Variants in SOCS5 observed in about 807,000 individuals in gnomAD.
SOCS5 encodes the protein CIS-6.
In SOCS5, 32 loss-of-function variants were observed where a neutral mutation model predicts 42.8. The ratio of observed to expected loss-of-function variants is 0.75; its 90% confidence interval spans 0.56 to 1.01. The LOEUF (loss-of-function observed/expected upper bound fraction) is 1.01, where lower values mean the gene tolerates loss of function less well. Among genes scored for constraint, SOCS5 ranks in the 50% least tolerant of loss-of-function variants. SOCS5 has a pLI of 0.00. For missense variants in SOCS5, 627 were observed against 653.0 expected (o/e 0.96, Z 0.43); for synonymous variants, 283 against 229.6 (o/e 1.23, Z -2.10).
At position 46,762,906 on chromosome 2, in the gene SOCS5, C is replaced by T. The variant is rs1673901090; in HGVS notation, c.*2765C>T. 1 of 166,926 alleles carries T rather than the reference C, an allele frequency of 6.0e-6. No homozygotes were observed. Among genetic ancestry groups the T allele is most frequent in the African/African-American group, 2.4e-5 (1 of 41,422 alleles). The allele number at this position is 166,926 out of a possible 1,614,324, so 10.3% of individuals were successfully genotyped here. On this transcript the variant is annotated 3_prime_UTR_variant, in exon 2 of 2. Coordinates refer to ENST00000394861, the MANE Select transcript of SOCS5 (RefSeq NM_144949.3). ...CACACACACCTCTCCCTTCCGCATACATATAAGTGTGTATTATATATTTAT... is the reference window on the plus strand; with the variant it reads ...CACACACACCTCTCCCTTCCGCATATATATAAGTGTGTATTATATATTTAT...
intron 1 of SOCS5, among the ~76,000 whole-genome samples, chr2:46,712,471 G>T (rs772882193): frequency 4.7e-5 from 7 of 150,282 alleles, no homozygotes; most frequent in Non-Finnish European, 1.0e-4. Flanking sequence ...AGCCTCCCAA[G>T]TAGCTGGGAC....
At chr2:46,727,281 G>A (rs956702110) in intron 1 of SOCS5, among the ~76,000 whole-genome samples, 48 of 151,654 alleles carry the variant, frequency 3.2e-4, no homozygotes, top group Middle Eastern at 3.4e-3. Flanking sequence ...CCCGAGTAGC[G>A]GAGCATTTTT....
At chr2:46,741,611 T>A (rs72802454) in intron 1 of SOCS5, among the ~76,000 whole-genome samples, 65 of 152,292 alleles carry the variant, frequency 4.3e-4, no homozygotes, top group African/African-American at 1.4e-3. Flanking sequence ...CTATATTTTT[T>A]AAAAAATGTT....
intron 1 of SOCS5, among the ~76,000 whole-genome samples, chr2:46,730,107 C>T (rs911259362): frequency 2.6e-5 from 4 of 152,064 alleles, no homozygotes; most frequent in African/African-American, 4.8e-5. Context: ...TCATATATGC[C>T]GTCTCTCATT....
chr2:46,701,268 CT>C (rs1469022011), intron 1 of SOCS5, among the ~76,000 whole-genome samples: 1 of 152,116 alleles, frequency 6.6e-6, no homozygotes, highest in Non-Finnish European at 1.5e-5. Context: ...CTGTTTTCTC[CT>C]TTTGTAGAAC....
In SOCS5 at chr2:46,729,459, G is replaced by A. The variant is rs79218026; in HGVS notation, c.-12-29060G>A. 1.1e-3 allele frequency among the ~76,000 whole-genome samples: 161 copies of A among 152,298 alleles called. 1 individual carries two copies. The highest frequency in any genetic ancestry group is 1.7e-3 in the Non-Finnish European group (118 of 68,018). On this transcript the variant is annotated intron_variant, in intron 1 of 1. Transcript: ENST00000394861. ...GTATAGCGTACTATACACCTAGGCC[G>A]TATAGCGTAGCCTGTTGCTCGTAGG...
intron 1 of SOCS5, among the ~76,000 whole-genome samples, chr2:46,756,367 A>T (rs1326630794): frequency 6.6e-6 from 1 of 152,148 alleles, no homozygotes; most frequent in Non-Finnish European, 1.5e-5. Flanking sequence ...TAGATAGAAA[A>T]TATTTTAGGC....
chr2:46,759,753 C>G lies in SOCS5; in HGVS notation c.1223C>G (p.Ser408Cys). 6.2e-7 allele frequency: 1 copy of G among 1,614,180 alleles called. No homozygotes were observed. The highest frequency in any genetic ancestry group is 8.5e-7 in the Non-Finnish European group (1 of 1,180,018). Residue 408 changes from serine to cysteine, a missense_variant, in exon 2 of 2, where the codon TCT becomes TGT. This residue lies in a region of SOCS5 where 340 missense variants were observed against 367.6 expected (regional missense o/e 0.92). Coordinates refer to ENST00000394861, the MANE Select transcript of SOCS5 (RefSeq NM_144949.3). ...KPEGTFLLRD[S>C]AQEDYLFSVS... ...GAAGGCACGTTTTTGCTCAGGGACT[C>G]TGCGCAAGAGGACTACCTCTTCTCT...
At chr2:46,721,843 G>A (rs940589911) in intron 1 of SOCS5, among the ~76,000 whole-genome samples, 5 of 152,018 alleles carry the variant, frequency 3.3e-5, no homozygotes, top group African/African-American at 9.7e-5. Flanking sequence ...GTGCAACTGT[G>A]ACCAGTCTAA....
intron 1 of SOCS5, among the ~76,000 whole-genome samples, chr2:46,747,668 C>G (rs896521321): frequency 6.6e-6 from 1 of 152,128 alleles, no homozygotes; most frequent in Admixed American, 6.5e-5. Flanking sequence ...CGTAGTACTC[C>G]TCTATAACCA....
intron 1 of SOCS5, among the ~76,000 whole-genome samples, chr2:46,750,721 A>T (rs1673604314): frequency 6.6e-6 from 1 of 152,190 alleles, no homozygotes; most frequent in Non-Finnish European, 1.5e-5. Context: ...CATTTAAAGT[A>T]CAGATACCGA....
chr2:46,751,648 A>G lies in SOCS5; in HGVS notation c.-12-6871A>G, dbSNP rs993053. On this transcript the variant is annotated intron_variant, in intron 1 of 1. Transcript: ENST00000394861. ...TATTATTTTTCTAAGAAAGTTTTCT[A>G]TTTTATAACTTCATGCTCTAGTGAT... 9.2e-4 allele frequency among the ~76,000 whole-genome samples: 140 copies of G among 152,236 alleles called. 2 individuals are homozygous for G. In the South Asian group the frequency reaches 0.026, roughly 28 times the overall value.
intron 1 of SOCS5, among the ~76,000 whole-genome samples, chr2:46,756,487 T>G (rs1336467409): frequency 5.9e-5 from 9 of 152,072 alleles, no homozygotes; most frequent in Middle Eastern, 3.4e-3. Flanking sequence ...AGGCCAGATT[T>G]GGCCTTCAGG....
chr2:46,736,395 T>A lies in SOCS5; in HGVS notation c.-12-22124T>A, dbSNP rs113496916. On this transcript the variant is annotated intron_variant, in intron 1 of 1. Coordinates refer to ENST00000394861, the MANE Select transcript of SOCS5 (RefSeq NM_144949.3). ...TCAGTGGCATTAAGCACATTCACAT[T>A]CTTGTGCAACCATCATCACCATCTA... Among the ~76,000 whole-genome samples, 652 of 152,262 alleles carry A rather than the reference T, an allele frequency of 4.3e-3. 5 individuals are homozygous for A. The highest frequency in any genetic ancestry group is 4.4e-3 in the Non-Finnish European group (297 of 68,018).
chr2:46,746,922 C>CTTTTTTTTTTTTTTTTTTT (rs11373537), intron 1 of SOCS5, among the ~76,000 whole-genome samples: 5 of 70,798 alleles, frequency 7.1e-5, no homozygotes, highest in Non-Finnish European at 1.1e-4. Context: ...GACTTTATTT[C>CTTTTTTTTTTTTTTTTTTT]TTTTTTTTTT....
chr2:46,706,446 C>T (rs924487679), intron 1 of SOCS5, among the ~76,000 whole-genome samples: 1 of 152,162 alleles, frequency 6.6e-6, no homozygotes, highest in Non-Finnish European at 1.5e-5. Context: ...TGTCATTTTA[C>T]CACAAGGATG....
intron 1 of SOCS5, among the ~76,000 whole-genome samples, chr2:46,743,688 A>G (rs763669436): frequency 1.6e-4 from 25 of 152,314 alleles, no homozygotes; most frequent in Non-Finnish European, 2.6e-4. Flanking sequence ...CCTACTCAGT[A>G]TGGTTCACAT....
At chr2:46,752,091 C>T (rs72802469) in intron 1 of SOCS5, among the ~76,000 whole-genome samples, 9,542 of 152,166 alleles carry the variant, frequency 0.063, 434 homozygotes, top group Non-Finnish European at 0.1. Flanking sequence ...AAAACATTTA[C>T]TGCCTGGCCT....
intron 1 of SOCS5, among the ~76,000 whole-genome samples, chr2:46,707,534 T>G (rs1672523984): frequency 6.6e-6 from 1 of 152,170 alleles, no homozygotes; most frequent in African/African-American, 2.4e-5. Context: ...TTTTCTAAAC[T>G]AGTGCAAAAG....
Sources: gnomAD v4.1 joint callset for allele counts (sites outside exome capture counted in the v4.1 genomes callset) on GRCh38, gnomAD v4.1.1 for gene constraint, gnomAD v4.1.1 regional missense constraint, MANE v1.5 for transcripts, NCBI Gene and HGNC (gene_info 2026-07-23, HGNC 2026-07-21) for gene names.